The following VWA5A variants were observed in gnomAD, a reference collection of about 807,000 sequenced individuals.
VWA5A encodes the protein von Willebrand factor A domain containing 5A, also known as von Willebrand factor A domain-containing protein 5A.
VWA5A carries 77 observed loss-of-function variants against 84.6 expected under a neutral mutation model. That is an observed-to-expected ratio of 0.91 (90% CI 0.76 to 1.10). VWA5A has a LOEUF of 1.10. VWA5A is among the 50% of genes least tolerant of loss of function. The pLI, the probability that VWA5A is intolerant of heterozygous loss-of-function variation, is 0.00. For synonymous variants in VWA5A, 334 were observed against 350.1 expected, an observed-to-expected ratio of 0.95 and a Z score of 0.51; for missense variants, 973 against 963.0, an observed-to-expected ratio of 1.01 and a Z score of -0.14.
intron 11 of VWA5A, among the ~76,000 whole-genome samples, chr11:124,129,406 T>G (rs1865065108): frequency 1.3e-5 from 2 of 152,244 alleles, no homozygotes; most frequent in African/African-American, 4.8e-5. Flanking sequence ...GATTTTCACA[T>G]CCATGTTCAT....
At chr11:124,128,596 G>A (rs1420749028) in intron 11 of VWA5A, among the ~76,000 whole-genome samples, 1 of 151,990 alleles carries the variant, frequency 6.6e-6, no homozygotes, top group East Asian at 1.9e-4. Context: ...TCACAATATT[G>A]ATTCTTCCTA....
chr11:124,123,782 C>G lies in VWA5A; in HGVS notation c.1142C>G (p.Ser381Cys). The G allele has an allele frequency of 1.3e-6, 2 of 1,585,390 alleles. No individual in the cohort carries two copies. The highest frequency in any genetic ancestry group is 2.3e-5 in the South Asian group (2 of 85,284). ...APLQNIYRGP[S>C]IPGHPLQLFV... ...CTCCAGAACATTTACAGGGGACCCT[C>G]CATCCCAGGCCACCCCCTACAGGTA... is the stretch of plus-strand genomic sequence containing the variant. The change falls in exon 10 of 19, where the codon TCC becomes TGC. Residue 381 changes from serine (S) to cysteine (C), a missense_variant. By Grantham distance (112) the Ser-to-Cys change is moderately radical. Transcript: ENST00000456829.
chr11:124,133,821 T>C (rs901052727), intron 11 of VWA5A, among the ~76,000 whole-genome samples: 9 of 152,212 alleles, frequency 5.9e-5, no homozygotes, highest in African/African-American at 1.9e-4. Context: ...CTATATAAAA[T>C]TTTGCTATTA....
chr11:124,129,013 C>T (rs1326379010), intron 11 of VWA5A, among the ~76,000 whole-genome samples: 1 of 152,166 alleles, frequency 6.6e-6, no homozygotes, highest in South Asian at 2.1e-4. Flanking sequence ...ACTTCCAATA[C>T]TATGTTGAAT....
At chr11:124,134,796 T>G in intron 11 of VWA5A, 124 bp from the exon 12 acceptor site, 1 of 614,946 alleles carries the variant, frequency 1.6e-6, no homozygotes, top group African/African-American at 1.9e-5. Context: ...CAGTAAATGG[T>G]AGCTGTTACA....
chr11:124,136,531 A>C, intron 13 of VWA5A, 43 bp from the exon 14 acceptor site: 1 of 1,590,508 alleles, frequency 6.3e-7, no homozygotes, highest in Non-Finnish European at 8.6e-7. Flanking sequence ...GGATGATCAG[A>C]ACATTACATG....
chr11:124,141,493 C>A, intron 15 of VWA5A, 105 bp from the exon 16 acceptor site: 1 of 1,440,410 alleles, frequency 6.9e-7, no homozygotes, highest in Non-Finnish European at 9.5e-7. Flanking sequence ...AGGGTGGTGA[C>A]TGAAGCCAGT....
chr11:124,118,148 A>G (rs1864865705), intron 4 of VWA5A, 41 bp from the exon 5 acceptor site: 2 of 1,593,534 alleles, frequency 1.3e-6, no homozygotes, highest in Non-Finnish European at 1.7e-6. Context: ...GTCACCTTGG[A>G]TGTTCCCTTT....
At chr11:124,128,614 G>A (rs1865053523) in intron 11 of VWA5A, among the ~76,000 whole-genome samples, 1 of 152,180 alleles carries the variant, frequency 6.6e-6, no homozygotes, top group African/African-American at 2.4e-5. Flanking sequence ...CTATCCATGA[G>A]CATGGAATGT....
In VWA5A at chr11:124,146,129, C is replaced by T; in HGVS notation, c.*184C>T. On this transcript the variant is annotated 3_prime_UTR_variant, in exon 19 of 19. Transcript: ENST00000456829. Reference sequence around the variant, plus strand: ...ACTTTGGATATGATCTTTCTTTTCCCAACATATGCCCTCAGAAAAGTGACA... The same window carrying T: ...ACTTTGGATATGATCTTTCTTTTCCTAACATATGCCCTCAGAAAAGTGACA... The T allele has an allele frequency of 1.8e-6, 1 of 567,536 alleles. No individual in the cohort carries two copies. The highest frequency in any genetic ancestry group is 3.0e-6 in the Non-Finnish European group (1 of 332,834). 35.2% of individuals were successfully genotyped at this position (567,536 alleles called of 1,614,324 possible).
chr11:124,118,711 A>G lies in VWA5A; in HGVS notation c.645+3A>G. The stretch of plus-strand genomic sequence containing the variant: ...GAGAGGACAAGACTTCTGCTCAGGT[A>G]GTTAATGAGAGAATACTGCTATTGT... On this transcript the variant is annotated splice_donor_region_variant and intron_variant, in intron 6 of 18. Transcript: ENST00000456829. The G allele has an allele frequency of 6.2e-7, 1 of 1,612,012 alleles. No homozygotes were observed. The highest frequency in any genetic ancestry group is 8.5e-7 in the Non-Finnish European group (1 of 1,178,896).
chr11:124,118,511 G>C, intron 5 of VWA5A, 22 bp from the exon 6 acceptor site: 1 of 1,613,404 alleles, frequency 6.2e-7, no homozygotes, highest in Non-Finnish European at 8.5e-7. Flanking sequence ...AAGGAAAACA[G>C]AACTAAGGTC....
At chr11:124,123,582 G>C in intron 9 of VWA5A, 78 bp from the exon 10 acceptor site, 1 of 1,611,618 alleles carries the variant, frequency 6.2e-7, no homozygotes, top group Non-Finnish European at 8.5e-7. Flanking sequence ...CTTTTAATGG[G>C]GGTTTCTCAA....
chr11:124,126,050 T>C (rs1326046127), intron 11 of VWA5A, among the ~76,000 whole-genome samples: 1 of 152,246 alleles, frequency 6.6e-6, no homozygotes, highest in African/African-American at 2.4e-5. Flanking sequence ...CCTGTATACA[T>C]GTACATTGTT....
At chr11:124,138,532 A>G (rs563907518) in intron 15 of VWA5A, among the ~76,000 whole-genome samples, 6 of 152,146 alleles carry the variant, frequency 3.9e-5, no homozygotes, top group Admixed American at 6.5e-5. Context: ...CAATTTCCTG[A>G]TGATTGGTAA....
intron 11 of VWA5A, among the ~76,000 whole-genome samples, chr11:124,130,330 G>A (rs925192085): frequency 5.3e-5 from 8 of 152,248 alleles, no homozygotes; most frequent in African/African-American, 1.2e-4. Context: ...TGATTGCACC[G>A]TGGTCTGAGA....
rs767652375 is a variant in VWA5A at position 124,142,520 on chromosome 11, C to T, written c.2102C>T (p.Ala701Val). Residue 701 changes from alanine to valine, a missense_variant, in exon 17 of 19, where the codon GCC becomes GTC. Physicochemically the swap from Ala to Val is moderately conservative, Grantham distance 64. Transcript: ENST00000456829. The stretch of plus-strand genomic sequence containing the variant: ...TCCTGGGATCTGAATGAAGATCTAG[C>T]CAAGATCCTAGGTATGAGTTTGGAA... ...NGSWDLNEDL[A>V]KILGMSLEEI... 4 of 1,614,078 alleles carry T rather than the reference C, an allele frequency of 2.5e-6. No homozygotes were observed. In the East Asian group the frequency reaches 8.9e-5, roughly 36 times the overall value.
intron 8 of VWA5A, 53 bp from the exon 9 acceptor site, chr11:124,123,313 T>C: frequency 6.4e-7 from 1 of 1,560,120 alleles, no homozygotes; most frequent in Non-Finnish European, 8.8e-7. Context: ...ACAGGGCCCA[T>C]GTGTTTTGGC....
chr11:124,134,816 A>C, intron 11 of VWA5A, 104 bp from the exon 12 acceptor site: 1 of 812,540 alleles, frequency 1.2e-6, no homozygotes, highest in Non-Finnish European at 1.9e-6. Context: ...ACTTTTGGTC[A>C]AGAAAGTAGA....
Sources: allele counts gnomAD v4.1 joint callset (sites outside exome capture counted in the v4.1 genomes callset), GRCh38; gene constraint gnomAD v4.1.1; transcripts MANE v1.5; gene names NCBI Gene and HGNC (gene_info 2026-07-23, HGNC 2026-07-21).